Variants in PRP4K observed in about 807,000 individuals in gnomAD.
The protein encoded by PRP4K is serine/threonine-protein kinase PRP4 homolog.
chr6:4,032,257 G>T, the PRP4K span: 20 of 1,612,706 alleles, frequency 1.2e-5, no homozygotes, highest in Non-Finnish European at 1.6e-5. Context: ...CTTAGAAGGC[G>T]ATCTCAAGAG....
At chr6:4,054,739 C>T in the PRP4K span, among the ~76,000 whole-genome samples, 13 of 152,062 alleles carry the variant, frequency 8.5e-5, no homozygotes, top group African/African-American at 1.2e-4. Flanking sequence ...CTCCTAACCT[C>T]GTGATCTGCC....
the PRP4K span, among the ~76,000 whole-genome samples, chr6:4,039,285 T>C: frequency 6.6e-6 from 1 of 152,194 alleles, no homozygotes; most frequent in Non-Finnish European, 1.5e-5. Flanking sequence ...TTAGATATTT[T>C]TGGATATTAG....
At chr6:4,048,378 C>CAA in the PRP4K span, among the ~76,000 whole-genome samples, 76 of 98,870 alleles carry the variant, frequency 7.7e-4, 1 homozygote, top group African/African-American at 1.7e-3. Flanking sequence ...GACTCCGTCT[C>CAA]AAAAAAAAAA....
chr6:4,052,442 G>C, the PRP4K span, among the ~76,000 whole-genome samples: 1 of 152,106 alleles, frequency 6.6e-6, no homozygotes, highest in Non-Finnish European at 1.5e-5. Flanking sequence ...TTTCAGATGT[G>C]AATCTATTCT....
the PRP4K span, chr6:4,056,581 A>G: frequency 6.3e-7 from 1 of 1,594,446 alleles, no homozygotes; most frequent in African/African-American, 1.3e-5. Context: ...CATCCTCCTC[A>G]GGTGGAATGA....
the PRP4K span, chr6:4,052,614 T>G: frequency 2.2e-6 from 2 of 895,448 alleles, no homozygotes; most frequent in Non-Finnish European, 3.2e-6. Flanking sequence ...TATTTTTATT[T>G]TGCGCTTGAT....
the PRP4K span, chr6:4,062,858 T>C: frequency 6.6e-6 from 1 of 152,618 alleles, no homozygotes; most frequent in Non-Finnish European, 1.5e-5. This position sits in a 1 kb window ranked among gnomAD's most constrained non-coding sequence, Gnocchi z 4.2. Flanking sequence ...TTCCCACCAT[T>C]ATTTATTTCG....
chr6:4,025,390 G>A, the PRP4K span, among the ~76,000 whole-genome samples: 1 of 152,184 alleles, frequency 6.6e-6, no homozygotes, highest in African/African-American at 2.4e-5. Context: ...TTGACTCAAT[G>A]TTTCAAGTTT....
At chr6:4,029,376 C>T in the PRP4K span, among the ~76,000 whole-genome samples, 1 of 137,032 alleles carries the variant, frequency 7.3e-6, no homozygotes, top group Non-Finnish European at 1.5e-5. Context: ...CAGGGTCTTG[C>T]TCTGTCACCC....
chr6:4,036,396 A>T, the PRP4K span, among the ~76,000 whole-genome samples: 2 of 152,024 alleles, frequency 1.3e-5, no homozygotes, highest in African/African-American at 2.4e-5. Flanking sequence ...TAATTTTGAT[A>T]TTTTTTGTAG....
the PRP4K span, chr6:4,056,907 C>G: frequency 9.0e-7 from 1 of 1,108,046 alleles, no homozygotes; most frequent in East Asian, 2.5e-5. Context: ...AACTAATTGT[C>G]AAACTAAGGC....
the PRP4K span, chr6:4,052,178 A>G: frequency 1.4e-6 from 2 of 1,401,704 alleles, no homozygotes; most frequent in South Asian, 3.2e-5. Context: ...GCTGTAACAG[A>G]TTTTCTGCGT....
chr6:4,048,633 T>C, the PRP4K span, among the ~76,000 whole-genome samples: 2 of 152,096 alleles, frequency 1.3e-5, no homozygotes, highest in African/African-American at 4.8e-5. Context: ...ATTAGTGACA[T>C]CATGGCTCAC....
the PRP4K span, chr6:4,050,549 G>T: frequency 7.5e-4 from 132 of 175,390 alleles, 1 homozygote; most frequent in African/African-American, 3.0e-3. Flanking sequence ...TCACTATGGT[G>T]ACCTGCAAAA....
At chr6:4,052,822 C>G in the PRP4K span, 1 of 1,612,808 alleles carries the variant, frequency 6.2e-7, no homozygotes, top group Non-Finnish European at 8.5e-7. Context: ...CATTGAAACT[C>G]CTTAAAAGAT....
chr6:4,043,684 A>G, the PRP4K span: 3 of 864,178 alleles, frequency 3.5e-6, no homozygotes, highest in Admixed American at 5.2e-5. Context: ...TGAACCAATA[A>G]ATACCATTTG....
the PRP4K span, chr6:4,047,327 G>T: frequency 2.6e-6 from 3 of 1,143,064 alleles, no homozygotes; most frequent in Non-Finnish European, 1.3e-6. Context: ...AGAGAAAGAA[G>T]AATAAAGCAA....
At chr6:4,021,335 G>A in the PRP4K span, 10 of 1,525,998 alleles carry the variant, frequency 6.6e-6, 1 homozygote, top group South Asian at 7.2e-5. Context: ...CGGCACATGC[G>A]CGGCAGCTCT....
chr6:4,027,612 GT>G, the PRP4K span, among the ~76,000 whole-genome samples: 138 of 70,652 alleles, frequency 2.0e-3, no homozygotes, highest in Middle Eastern at 7.5e-3. Flanking sequence ...GGGGGGTGGG[GT>G]GGGGGTTGGT....
Sources: allele counts gnomAD v4.1 joint callset (sites outside exome capture counted in the v4.1 genomes callset), GRCh38; gene constraint gnomAD v4.1.1; non-coding constraint Gnocchi (gnomAD v3.1); transcripts MANE v1.5; gene names NCBI Gene and HGNC (gene_info 2026-07-23, HGNC 2026-07-21).